FGF10: variants seen among roughly 807,000 people sequenced by gnomAD.
FGF10 encodes fibroblast growth factor 10, also known as FGF-10.
Under a neutral mutation model 19.8 loss-of-function variants are expected in FGF10, and 2 were observed. The observed-to-expected ratio is 0.10, with a 90% CI of 0.04 to 0.32. The LOEUF (loss-of-function observed/expected upper bound fraction) is 0.32, where lower values mean the gene tolerates loss of function less well. FGF10 is among the 10% of genes least tolerant of loss of function. FGF10 has a pLI of 1.00. For synonymous variants in FGF10, 112 were observed against 94.0 expected (o/e 1.19, Z -1.10); for missense variants, 191 against 246.3 (o/e 0.78, Z 1.50).
chr5:44,307,832 A>G (rs1472446495), intron 2 of FGF10, among the ~76,000 whole-genome samples: 1 of 152,214 alleles, frequency 6.6e-6, no homozygotes, highest in African/African-American at 2.4e-5. Flanking sequence ...ATAATTTTTC[A>G]TTATTCCTAG....
At chr5:44,349,441 T>TATATATATATATATATATCAGA (rs1741172776) in intron 1 of FGF10, among the ~76,000 whole-genome samples, 1 of 12,412 alleles carries the variant, frequency 8.1e-5, no homozygotes, top group Non-Finnish European at 2.4e-4. Flanking sequence ...TATATATATA[T>TATATATATATATATATATCAGA]ATATATATAT....
chr5:44,304,966 T>G lies in FGF10; in HGVS notation c.*29A>C. The G allele has an allele frequency of 6.2e-7, 1 of 1,606,146 alleles. No homozygotes were observed. The highest frequency in any genetic ancestry group is 2.2e-5 in the East Asian group (1 of 44,798). ...TATTCTTGGCAAAAGAGCCATTGGTTCTACTGCATCCACAAACGTTGCCTT... is the reference window on the plus strand; with the variant it reads ...TATTCTTGGCAAAAGAGCCATTGGTGCTACTGCATCCACAAACGTTGCCTT... On this transcript the variant is annotated 3_prime_UTR_variant, in exon 3 of 3. Transcript: ENST00000264664.
chr5:44,341,451 A>ATTTT (rs1345717863), intron 1 of FGF10, among the ~76,000 whole-genome samples: 1 of 151,892 alleles, frequency 6.6e-6, no homozygotes, highest in Non-Finnish European at 1.5e-5. Flanking sequence ...TCAGATAGAT[A>ATTTT]ATAGATAGTC....
chr5:44,329,429 C>T (rs1279204761), intron 1 of FGF10, among the ~76,000 whole-genome samples: 3 of 152,140 alleles, frequency 2.0e-5, no homozygotes, highest in Admixed American at 2.0e-4. Flanking sequence ...CCCGCCTCGG[C>T]ACCCCAAAGT....
chr5:44,355,579 C>T (rs961059647), intron 1 of FGF10, among the ~76,000 whole-genome samples: 1 of 151,150 alleles, frequency 6.6e-6, no homozygotes, highest in Non-Finnish European at 1.5e-5. Context: ...GTTTCAGACT[C>T]ATAGTGCAAA....
At chr5:44,318,962 G>A (rs1279090758) in intron 1 of FGF10, among the ~76,000 whole-genome samples, 1 of 152,122 alleles carries the variant, frequency 6.6e-6, no homozygotes, top group African/African-American at 2.4e-5. Flanking sequence ...AGAAGATTTC[G>A]AAGAAATCTA....
chr5:44,331,285 A>G (rs1413259012), intron 1 of FGF10, among the ~76,000 whole-genome samples: 3 of 151,920 alleles, frequency 2.0e-5, no homozygotes, highest in African/African-American at 7.2e-5. Flanking sequence ...TGCTTATTAC[A>G]TTTTTCACTT....
rs1739994078 is a variant in FGF10, at chr5:44,302,790, C to T, written c.*2205G>A. 2.0e-5 allele frequency among the ~76,000 whole-genome samples: 3 copies of T among 152,120 alleles called. No homozygotes were observed. The highest frequency in any genetic ancestry group is 2.0e-4 in the Admixed American group (3 of 15,256). On this transcript the variant is annotated 3_prime_UTR_variant, in exon 3 of 3. Coordinates refer to ENST00000264664, the MANE Select transcript of FGF10 (RefSeq NM_004465.2). ...AGTGTCTTGAGTACTATAATGATGA[C>T]TGTTTACACATAGTCTCTTTAGTAA...
intron 1 of FGF10, among the ~76,000 whole-genome samples, chr5:44,376,499 AAAAAAAAAAAAAAAAAAAC>A (rs1427263373): frequency 8.1e-5 from 9 of 111,258 alleles, no homozygotes; most frequent in Non-Finnish European, 1.4e-4. Context: ...CCAAAAAAAA[AAAAAAAAAAAAAAAAAAAC>A]AAAAAACCCA....
At chr5:44,384,913 C>T (rs1191402160) in intron 1 of FGF10, among the ~76,000 whole-genome samples, 2 of 151,996 alleles carry the variant, frequency 1.3e-5, no homozygotes, top group Non-Finnish European at 2.9e-5. Flanking sequence ...TTCACTAGAT[C>T]CCTCTTTTCT....
rs1452104447 is a variant in FGF10, at chr5:44,301,036, G to A, written c.*3959C>T. 6.6e-6 allele frequency among the ~76,000 whole-genome samples: 1 copy of A among 152,026 alleles called. No homozygotes were observed. Among genetic ancestry groups the A allele is most frequent in the Non-Finnish European group, 1.5e-5 (1 of 68,016 alleles). ...GAAAATGAATGTCTGAGAAGAAGCA[G>A]ATCTTCGTTACTTCATTTCTAAGTA... On this transcript the variant is annotated 3_prime_UTR_variant, in exon 3 of 3. Transcript: ENST00000264664.
intron 1 of FGF10, among the ~76,000 whole-genome samples, chr5:44,357,367 T>G (rs552762900): frequency 6.6e-6 from 1 of 151,572 alleles, no homozygotes; most frequent in African/African-American, 2.4e-5. Flanking sequence ...TCAGGTTTTT[T>G]TCTTATTAGT....
At chr5:44,320,095 C>A (rs1597127) in intron 1 of FGF10, among the ~76,000 whole-genome samples, 1 of 152,158 alleles carries the variant, frequency 6.6e-6, no homozygotes, top group East Asian at 1.9e-4. Flanking sequence ...CTTCTTATGA[C>A]AATCTAATGC....
intron 1 of FGF10, among the ~76,000 whole-genome samples, chr5:44,318,701 T>C (rs1268605751): frequency 2.0e-5 from 3 of 152,168 alleles, no homozygotes; most frequent in African/African-American, 7.2e-5. Flanking sequence ...ATGTTATGCA[T>C]CAGTAGAAGC....
intron 1 of FGF10, among the ~76,000 whole-genome samples, chr5:44,340,760 G>A (rs1292397029): frequency 4.6e-5 from 7 of 151,174 alleles, no homozygotes; most frequent in Non-Finnish European, 7.4e-5. Flanking sequence ...AAAATCTACC[G>A]CCTTTGGTAA....
chr5:44,389,268 T>C lies in FGF10; in HGVS notation c.-586A>G, dbSNP rs1437886424. On this transcript the variant is annotated 5_prime_UTR_variant, in exon 1 of 3. Transcript: ENST00000264664. The stretch of plus-strand genomic sequence containing the variant: ...CGTTGTTTTCTTCCCTCTCTTCCTT[T>C]CTGTTTTTAGTGGTGCCTGCCGATT... 6.3e-6 allele frequency: 1 copy of C among 159,186 alleles called. No homozygotes were observed. Among genetic ancestry groups the C allele is most frequent in the Non-Finnish European group, 1.4e-5 (1 of 72,104 alleles). 9.9% of individuals were successfully genotyped at this position (159,186 alleles called of 1,614,324 possible).
chr5:44,321,447 T>C lies in FGF10; in HGVS notation c.326-10917A>G, dbSNP rs1029192082. 9.2e-5 allele frequency among the ~76,000 whole-genome samples: 14 copies of C among 152,330 alleles called. No individual in the cohort carries two copies. In the East Asian group the frequency reaches 2.5e-3, roughly 27 times the overall value. ...GTTGGCAATCAACACCACAGCTGCA[T>C]AAACATTCAAGTCTTTGAATGAATA... On this transcript the variant is annotated intron_variant, in intron 1 of 2. Transcript: ENST00000264664.
In FGF10 at chr5:44,304,368, C is replaced by T. The variant is rs1243936589; in HGVS notation, c.*627G>A. ...ATTTAACATCCTATTAAATAAATAA[C>T]TTAGAAAGAAATAGAAAGGGATGAA... On this transcript the variant is annotated 3_prime_UTR_variant, in exon 3 of 3. Transcript: ENST00000264664. The T allele has an allele frequency of 6.6e-6, 1 of 152,474 alleles. No individual in the cohort carries two copies. The highest frequency in any genetic ancestry group is 2.4e-5 in the African/African-American group (1 of 41,428). 9.4% of individuals were successfully genotyped at this position (152,474 alleles called of 1,614,324 possible).
intron 1 of FGF10, among the ~76,000 whole-genome samples, chr5:44,360,142 T>C (rs979718540): frequency 1.3e-5 from 2 of 151,586 alleles, no homozygotes; most frequent in Admixed American, 6.6e-5. Context: ...GAATAGCTTT[T>C]GCCAAAATGC....
Sources: gnomAD v4.1 joint callset for allele counts (sites outside exome capture counted in the v4.1 genomes callset) on GRCh38, gnomAD v4.1.1 for gene constraint, MANE v1.5 for transcripts, NCBI Gene and HGNC (gene_info 2026-07-23, HGNC 2026-07-21) for gene names.